Variants in NRG1 observed in about 807,000 individuals in gnomAD.
NRG1 encodes the protein pro-neuregulin-1, membrane-bound isoform.
In NRG1, 18 loss-of-function variants were observed where a neutral mutation model predicts 63.8. The ratio of observed to expected loss-of-function variants is 0.28; its 90% confidence interval spans 0.19 to 0.42. The LOEUF is 0.42. Among genes scored for constraint, NRG1 ranks in the 10% least tolerant of loss-of-function variants. NRG1 has a pLI of 1.00. For missense variants in NRG1, 762 were observed against 814.7 expected (o/e 0.94, Z 0.79); for synonymous variants, 302 against 301.3 (o/e 1.00, Z -0.02).
chr8:32,663,130 G>T (rs1193911792), intron 5 of NRG1, among the ~76,000 whole-genome samples: 1 of 152,096 alleles, frequency 6.6e-6, no homozygotes, highest in East Asian at 1.9e-4. Context: ...CCTATTTTAT[G>T]GTTTCTTTTT....
chr8:32,648,114 G>A (rs35641374), intron 5 of NRG1: 2 of 1,614,030 alleles, frequency 1.2e-6, no homozygotes. Flanking sequence ...TGCCTCAGCT[G>A]TGTGGGTGTC....
At chr8:32,702,341 C>T (rs1450342015) in intron 5 of NRG1, among the ~76,000 whole-genome samples, 4 of 152,164 alleles carry the variant, frequency 2.6e-5, no homozygotes, top group East Asian at 1.9e-4. Context: ...TCACATGTGC[C>T]TAATAGGCAT....
chr8:32,164,934 G>T (rs1231445104), intron 1 of NRG1, among the ~76,000 whole-genome samples: 1 of 152,064 alleles, frequency 6.6e-6, no homozygotes, highest in Admixed American at 6.6e-5. Flanking sequence ...ATGTCCCAAA[G>T]GGATCACTGA....
intron 5 of NRG1, among the ~76,000 whole-genome samples, chr8:32,693,056 A>G (rs1812237329): frequency 6.6e-6 from 1 of 152,196 alleles, no homozygotes; most frequent in South Asian, 2.1e-4. Flanking sequence ...TGGACAACGA[A>G]GAAGTCACTT....
At chr8:32,208,878 A>C (rs1844360510) in intron 1 of NRG1, among the ~76,000 whole-genome samples, 1 of 152,110 alleles carries the variant, frequency 6.6e-6, no homozygotes, top group Non-Finnish European at 1.5e-5. Context: ...TATATGAAAG[A>C]CTGTTTTTGA....
intron 3 of NRG1, among the ~76,000 whole-genome samples, chr8:32,609,554 CCTTCCTT>C (rs1280360105): frequency 6.8e-4 from 8 of 11,798 alleles, no homozygotes; most frequent in Admixed American, 2.5e-3. Context: ...TTCCCTCCCT[CCTTCCTT>C]CCTTCCTTCC....
chr8:31,940,060 TA>T (rs569673951), intron 1 of NRG1, among the ~76,000 whole-genome samples: 15 of 152,068 alleles, frequency 9.9e-5, no homozygotes, highest in Non-Finnish European at 2.2e-4. Context: ...ACTTAACAGA[TA>T]TTTATAGAAC....
At chr8:32,753,050 T>G (rs1389859358) in intron 7 of NRG1, among the ~76,000 whole-genome samples, 5 of 152,196 alleles carry the variant, frequency 3.3e-5, no homozygotes, top group Admixed American at 6.5e-5. Flanking sequence ...AAAGGTGTAG[T>G]TGTGCCACTG....
intron 5 of NRG1, among the ~76,000 whole-genome samples, chr8:32,618,095 A>C (rs1186554365): frequency 6.6e-6 from 1 of 152,170 alleles, no homozygotes; most frequent in Non-Finnish European, 1.5e-5. Context: ...CCAAAATGAT[A>C]ATTTCTGCCG....
intron 1 of NRG1, among the ~76,000 whole-genome samples, chr8:32,189,541 G>A (rs900930632): frequency 3.9e-5 from 6 of 152,168 alleles, no homozygotes; most frequent in South Asian, 2.1e-4. Context: ...ATCCTTATCT[G>A]TAGAATGGAC....
At chr8:32,470,687 C>T (rs949850808) in intron 1 of NRG1, among the ~76,000 whole-genome samples, 2 of 152,122 alleles carry the variant, frequency 1.3e-5, no homozygotes, top group Non-Finnish European at 2.9e-5. Flanking sequence ...GGTACTGAAT[C>T]CTACCCTAAT....
chr8:32,609,047 G>C (rs1020597865), intron 3 of NRG1, among the ~76,000 whole-genome samples: 1 of 152,126 alleles, frequency 6.6e-6, no homozygotes, highest in African/African-American at 2.4e-5. Flanking sequence ...AGGGAGGGTG[G>C]AGCCGGAAAC....
At chr8:32,177,475 TA>T (rs2132071336) in intron 1 of NRG1, among the ~76,000 whole-genome samples, 1 of 152,152 alleles carries the variant, frequency 6.6e-6, no homozygotes, top group East Asian at 1.9e-4. Context: ...ACTTAAATTA[TA>T]ATAAAAAAAT....
chr8:32,415,225 T>C (rs934529690), intron 1 of NRG1, among the ~76,000 whole-genome samples: 3 of 151,902 alleles, frequency 2.0e-5, no homozygotes, highest in Admixed American at 6.6e-5. Context: ...CTGGCCAACA[T>C]GATGAAACCC....
intron 1 of NRG1, among the ~76,000 whole-genome samples, chr8:32,587,437 C>T (rs535004684): frequency 9.9e-5 from 15 of 152,166 alleles, no homozygotes; most frequent in South Asian, 6.2e-4. Flanking sequence ...AAAGATAATA[C>T]GACTTACTTG....
intron 7 of NRG1, chr8:32,749,343 G>A: frequency 1.6e-6 from 1 of 610,836 alleles, no homozygotes; most frequent in South Asian, 2.0e-5. Flanking sequence ...CAGTGTGCTG[G>A]TATTTTGCAC....
chr8:31,928,649 T>TACACACACAC (rs35727947), intron 1 of NRG1, among the ~76,000 whole-genome samples: 1 of 148,148 alleles, frequency 6.8e-6, no homozygotes. Context: ...TATATATATA[T>TACACACACAC]ACACACACAC....
At chr8:32,388,191 T>A (rs758740977) in intron 1 of NRG1, among the ~76,000 whole-genome samples, 1 of 152,228 alleles carries the variant, frequency 6.6e-6, no homozygotes, top group African/African-American at 2.4e-5. Flanking sequence ...TTACCCCTTA[T>A]AGTAAGTTGA....
At chr8:32,082,511 C>G (rs1827621720) in intron 1 of NRG1, among the ~76,000 whole-genome samples, 1 of 152,034 alleles carries the variant, frequency 6.6e-6, no homozygotes, top group Non-Finnish European at 1.5e-5. Flanking sequence ...GGATGTTGGC[C>G]TCCATTCTTG....
Sources: allele counts gnomAD v4.1 joint callset (sites outside exome capture counted in the v4.1 genomes callset), GRCh38; gene constraint gnomAD v4.1.1; transcripts MANE v1.5; gene names NCBI Gene and HGNC (gene_info 2026-07-23, HGNC 2026-07-21).